Variants in FREM2 observed in about 807,000 individuals in gnomAD.
The protein encoded by FREM2 is FRAS1 related extracellular matrix 2, also known as FRAS1-related extracellular matrix protein 2.
Under a neutral mutation model 219.9 loss-of-function variants are expected in FREM2, and 119 were observed. That is an observed-to-expected ratio of 0.54 (90% confidence interval 0.47 to 0.63). The LOEUF (loss-of-function observed/expected upper bound fraction) is 0.63. Among genes scored for constraint, FREM2 ranks in the 30% least tolerant of loss-of-function variants. The pLI, the probability that FREM2 is intolerant of heterozygous loss-of-function variation, is 0.00. For missense variants in FREM2, 4,030 were observed against 3,993.6 expected (o/e 1.01, Z -0.25); for synonymous variants, 1,562 against 1,522.8 (o/e 1.03, Z -0.60).
chr13:38,714,027 CTG>C (rs1870883612), intron 2 of FREM2, among the ~76,000 whole-genome samples: 1 of 152,196 alleles, frequency 6.6e-6, no homozygotes. Context: ...AAACCAGGAT[CTG>C]TGGTACTCTA....
chr13:38,697,868 G>C, intron 2 of FREM2, 81 bp downstream of exon 2: 1 of 807,468 alleles, frequency 1.2e-6, no homozygotes, highest in South Asian at 1.4e-5. Flanking sequence ...ATTACAAGAA[G>C]TCTTCATCAA....
chr13:38,752,552 C>A (rs1417549890), intron 2 of FREM2, among the ~76,000 whole-genome samples: 1 of 152,184 alleles, frequency 6.6e-6, no homozygotes, highest in African/African-American at 2.4e-5. Flanking sequence ...CCACTCTAAT[C>A]TCTTCATACT....
At chr13:38,867,571 T>A (rs1566172441) in intron 16 of FREM2, among the ~76,000 whole-genome samples, 1 of 152,174 alleles carries the variant, frequency 6.6e-6, no homozygotes, top group Non-Finnish European at 1.5e-5. Context: ...TTATGAGAAT[T>A]AGCTCACGAG....
chr13:38,746,705 A>G lies in FREM2; in HGVS notation c.5264-17599A>G, dbSNP rs115058080. 8.3e-3 allele frequency among the ~76,000 whole-genome samples: 1,262 copies of G among 152,286 alleles called. 24 individuals are homozygous for G. Among genetic ancestry groups the G allele is most frequent in the African/African-American group, 0.029 (1,211 of 41,548 alleles). On this transcript the variant is annotated intron_variant, in intron 2 of 23. Coordinates refer to ENST00000280481, the MANE Select transcript of FREM2 (RefSeq NM_207361.6). ...TAAAAAGCCGCTCTATACCTGACCA[A>G]TGGCATTCAAGTAAAGGGATTTATC...
At chr13:38,816,029 C>T (rs1365845496) in intron 6 of FREM2, among the ~76,000 whole-genome samples, 1 of 152,004 alleles carries the variant, frequency 6.6e-6, no homozygotes, top group Non-Finnish European at 1.5e-5. Context: ...AAGATTGAAC[C>T]ATGAAGAAAT....
intron 6 of FREM2, among the ~76,000 whole-genome samples, chr13:38,824,965 G>T (rs2137881404): frequency 6.6e-6 from 1 of 151,588 alleles, no homozygotes; most frequent in African/African-American, 2.4e-5. Context: ...GAAAGCTAAA[G>T]AAAAGGTTGG....
At chr13:38,805,659 G>C (rs1191786531) in intron 6 of FREM2, among the ~76,000 whole-genome samples, 1 of 151,852 alleles carries the variant, frequency 6.6e-6, no homozygotes, top group Non-Finnish European at 1.5e-5. Flanking sequence ...ACTTGCAGTA[G>C]AATTTTATCT....
intron 4 of FREM2, 107 bp downstream of exon 4, chr13:38,769,915 A>G (rs1873589414): frequency 3.6e-6 from 3 of 832,172 alleles, no homozygotes; most frequent in East Asian, 2.6e-5. Context: ...TGAAATTTCC[A>G]TAGAGAGAAC....
chr13:38,848,151 A>G (rs1877232233), intron 7 of FREM2, among the ~76,000 whole-genome samples: 1 of 152,168 alleles, frequency 6.6e-6, no homozygotes, highest in Non-Finnish European at 1.5e-5. Context: ...TCTAAGCCTG[A>G]TTTTTATTAC....
At chr13:38,872,688 G>A in intron 16 of FREM2, 54 bp from the exon 17 acceptor site, 1 of 1,464,560 alleles carries the variant, frequency 6.8e-7, no homozygotes, top group Non-Finnish European at 9.6e-7. Flanking sequence ...TACAAAATTA[G>A]GCCCACTTAG....
At position 38,803,938 on chromosome 13, in the gene FREM2, T is replaced by C. The variant is rs145874090; in HGVS notation, c.6019+19130T>C. Among the ~76,000 whole-genome samples, 703 of 152,070 alleles carry C rather than the reference T, an allele frequency of 4.6e-3. 8 individuals are homozygous for C. The highest frequency in any genetic ancestry group is 0.016 in the African/African-American group (676 of 41,450). On this transcript the variant is annotated intron_variant, in intron 6 of 23. Coordinates refer to ENST00000280481, the MANE Select transcript of FREM2 (RefSeq NM_207361.6). ...TATGGTGGGTGTGTGAATGAAATTT[T>C]TTTATTCATTTGTGCCTAGCTGAAA...
At position 38,886,696 on chromosome 13, in the gene FREM2, T is replaced by G. The variant is rs1216353320; in HGVS notation, c.*5909T>G. 6.6e-6 allele frequency: 1 copy of G among 152,162 alleles called. No individual in the cohort carries two copies. Among genetic ancestry groups the G allele is most frequent in the Non-Finnish European group, 1.5e-5 (1 of 68,022 alleles). The allele number at this position is 152,162 out of a possible 1,614,324, so 9.4% of individuals were successfully genotyped here. On this transcript the variant is annotated 3_prime_UTR_variant, in exon 24 of 24. Coordinates refer to ENST00000280481, the MANE Select transcript of FREM2 (RefSeq NM_207361.6). ...TACAATGGCGTGAGCCACCACAAGA[T>G]ATTTTTAAAGCCCATTTGTCTATAA...
intron 6 of FREM2, among the ~76,000 whole-genome samples, chr13:38,821,026 T>C (rs769667438): frequency 1.2e-4 from 18 of 152,158 alleles, no homozygotes; most frequent in Non-Finnish European, 2.1e-4. Flanking sequence ...CAGTGGTCAC[T>C]GTAGAGATGT....
chr13:38,747,813 T>A (rs968654146), intron 2 of FREM2, among the ~76,000 whole-genome samples: 6 of 152,180 alleles, frequency 3.9e-5, no homozygotes, highest in African/African-American at 1.4e-4. Context: ...CTTTCAGAAT[T>A]TGTATCTGTT....
chr13:38,724,243 C>T (rs889031002), intron 2 of FREM2, among the ~76,000 whole-genome samples: 22 of 152,210 alleles, frequency 1.4e-4, no homozygotes, highest in African/African-American at 4.8e-4. Context: ...CAGTGGAAAA[C>T]TAACCCTGGT....
At chr13:38,713,077 T>C (rs1870846325) in intron 2 of FREM2, among the ~76,000 whole-genome samples, 2 of 152,190 alleles carry the variant, frequency 1.3e-5, no homozygotes, top group African/African-American at 4.8e-5. Context: ...TTGCATATCT[T>C]TTGTGGGAAG....
rs1256658980 is a variant in FREM2, at chr13:38,691,533, G to T, written c.4189G>T (p.Asp1397Tyr). The T allele has an allele frequency of 1.2e-5, 19 of 1,614,004 alleles. No homozygotes were observed. The highest frequency in any genetic ancestry group is 8.9e-5 in the East Asian group (4 of 44,900). ...QEGIRDLIKF[D>Y]VTDGINPLID... is the part of the protein sequence containing the mutation. ...GGGCATTCGGGACCTAATTAAATTT[G>T]ATGTGACTGATGGAATAAATCCCCT... Residue 1397 changes from aspartate to tyrosine, a missense_variant, in exon 1 of 24, where the codon GAT (aspartate) becomes TAT (tyrosine). By Grantham distance (160) the Asp-to-Tyr change is radical. Around this residue, in one of 2 missense-constraint regions of FREM2, gnomAD observed 3,102 missense variants for 2,950.7 expected, o/e 1.05. Transcript: ENST00000280481.
intron 16 of FREM2, among the ~76,000 whole-genome samples, chr13:38,871,912 A>G (rs1878172268): frequency 1.3e-5 from 2 of 152,170 alleles, no homozygotes; most frequent in African/African-American, 2.4e-5. Context: ...CATTTCAACT[A>G]ATTATTCTTG....
rs1382430818 is a variant in FREM2, at chr13:38,880,794, C to A, written c.*7C>A. 1.2e-6 allele frequency: 2 copies of A among 1,613,822 alleles called. No homozygotes were observed. The highest frequency in any genetic ancestry group is 2.7e-5 in the African/African-American group (2 of 74,920). The stretch of plus-strand genomic sequence containing the variant: ...TGACAGCTCAGAAGTTTGATGACTG[C>A]AGGTAGAATTCAACCTTTTCCGTAA... On this transcript the variant is annotated 3_prime_UTR_variant, in exon 24 of 24. Transcript: ENST00000280481.
Sources: allele counts gnomAD v4.1 joint callset (sites outside exome capture counted in the v4.1 genomes callset), GRCh38; gene constraint gnomAD v4.1.1; regional missense constraint gnomAD v4.1.1; transcripts MANE v1.5; gene names NCBI Gene and HGNC (gene_info 2026-07-23, HGNC 2026-07-21).